Variants in ZIM2 observed in about 807,000 individuals in gnomAD.
The protein encoded by ZIM2 is zinc finger imprinted 2.
A neutral mutation model predicts 38.6 loss-of-function variants in ZIM2; 14 were observed. The ratio of observed to expected loss-of-function variants is 0.36; its 90% CI spans 0.24 to 0.57. The LOEUF (loss-of-function observed/expected upper bound fraction) is 0.57. ZIM2 is among the 20% of genes least tolerant of loss of function. ZIM2 has a pLI of 0.81. For synonymous variants in ZIM2, 247 were observed against 245.8 expected, an observed-to-expected ratio of 1.00 and a Z score of -0.04; for missense variants, 680 against 695.1, an observed-to-expected ratio of 0.98 and a Z score of 0.24.
chr19:56,830,101 T>A (rs940947597), intron 2 of ZIM2, among the ~76,000 whole-genome samples: 6 of 152,152 alleles, frequency 3.9e-5, no homozygotes, highest in Admixed American at 3.3e-4. Context: ...GATGTATGAA[T>A]CCAACAGAAC....
chr19:56,787,075 A>T (rs183239893), intron 10 of ZIM2, among the ~76,000 whole-genome samples: 72 of 152,004 alleles, frequency 4.7e-4, no homozygotes, highest in Non-Finnish European at 9.4e-4. Flanking sequence ...ACCTAAGGTG[A>T]TCCGCCTGCC....
intron 9 of ZIM2, chr19:56,811,369 T>C (rs1206908054): frequency 1.1e-6 from 1 of 881,974 alleles, no homozygotes; most frequent in Non-Finnish European, 1.4e-6. Flanking sequence ...GAGTTATAAC[T>C]GTAGTATAAA....
Position 56,823,603 on chromosome 19 carries a change from G to T in ZIM2, c.93C>A (p.Val31=). The change falls in exon 5 of 13, where the codon GTC becomes GTA. Residue 31 remains valine, a synonymous_variant. Transcript: ENST00000629319. ...NRRESSPPHS[V]HSFSGDRDWD... ...ATGGGTACTCACCACTGAAAGAATG[G>T]ACTGAGTGAGGTGGTGAGGACTCTC... 2 of 1,614,106 alleles carry T rather than the reference G, an allele frequency of 1.2e-6. No individual in the cohort carries two copies. Among genetic ancestry groups the T allele is most frequent in the Non-Finnish European group, 1.7e-6 (2 of 1,180,018 alleles).
intron 12 of ZIM2, among the ~76,000 whole-genome samples, chr19:56,776,857 C>T (rs746841478): frequency 2.7e-4 from 41 of 152,072 alleles, no homozygotes; most frequent in Non-Finnish European, 5.3e-4. Flanking sequence ...ATAAAACAGC[C>T]TGAGTTAAGC....
At chr19:56,824,638 G>C in intron 3 of ZIM2, 2 of 1,597,308 alleles carry the variant, frequency 1.3e-6, no homozygotes, top group Non-Finnish European at 8.6e-7. Context: ...TGGCAGACAA[G>C]TGCTTTGGAG....
At chr19:56,816,268 C>T (rs1291549131) in intron 9 of ZIM2, 2 of 1,614,054 alleles carry the variant, frequency 1.2e-6, no homozygotes, top group South Asian at 2.2e-5. Flanking sequence ...GAATGGCCCA[C>T]TATGAATGAC....
intron 9 of ZIM2, chr19:56,811,960 T>C (rs1054076007): frequency 1.3e-5 from 13 of 985,308 alleles, no homozygotes; most frequent in African/African-American, 1.0e-4. Flanking sequence ...CTCTCAGCTC[T>C]ACAATCTTCC....
intron 2 of ZIM2, among the ~76,000 whole-genome samples, chr19:56,832,056 T>G (rs142267050): frequency 2.2e-4 from 34 of 152,346 alleles, no homozygotes; most frequent in African/African-American, 8.2e-4. Flanking sequence ...TAAACTTGTA[T>G]TAAGACTATT....
At chr19:56,811,303 G>A in intron 9 of ZIM2, 1 of 912,722 alleles carries the variant, frequency 1.1e-6, no homozygotes, top group Non-Finnish European at 1.3e-6. Context: ...TTTTTAAACA[G>A]TTATAATGAA....
chr19:56,811,623 AG>A (rs2059548133), intron 9 of ZIM2: 2 of 985,340 alleles, frequency 2.0e-6, no homozygotes, highest in Admixed American at 1.2e-4. Context: ...GTTAACACCA[AG>A]TAATGTACCC....
At chr19:56,821,807 T>G in intron 6 of ZIM2, 53 bp from the exon 7 acceptor site, 4 of 1,594,416 alleles carry the variant, frequency 2.5e-6, no homozygotes, top group Non-Finnish European at 3.4e-6. Context: ...ATCCTGCAGG[T>G]CCCAGGTTTG....
At chr19:56,793,386 A>AC (rs1379379703) in intron 9 of ZIM2, 1 of 152,698 alleles carries the variant, frequency 6.5e-6, no homozygotes, top group African/African-American at 2.4e-5. Context: ...CCTTTACAGG[A>AC]CAGAGCTACT....
In ZIM2 at chr19:56,822,768, T is replaced by A. The variant is rs778726860; in HGVS notation, c.175A>T (p.Arg59Trp). 5.6e-6 allele frequency: 9 copies of A among 1,614,168 alleles called. No homozygotes were observed. The highest frequency in any genetic ancestry group is 7.6e-6 in the Non-Finnish European group (9 of 1,180,024). Residue 59 changes from arginine to tryptophan, a missense_variant, in exon 6 of 13, where the codon AGG becomes TGG. Transcript: ENST00000629319. The stretch of plus-strand genomic sequence containing the variant: ...TAAGACTCACTGCTTCTTGGGTTCC[T>A]GGTGTGGGACCAGCGGTCTCGTGGC... Reference protein sequence around the residue: ...MEPRDRWSHTRNPRSRMPPRD... With the variant: ...MEPRDRWSHTWNPRSRMPPRD...
intron 10 of ZIM2, among the ~76,000 whole-genome samples, chr19:56,783,718 T>C (rs912668781): frequency 2.0e-5 from 3 of 152,182 alleles, no homozygotes; most frequent in Non-Finnish European, 4.4e-5. Flanking sequence ...AGGCCATTTA[T>C]TGGGTACTAT....
intron 3 of ZIM2, among the ~76,000 whole-genome samples, chr19:56,825,517 T>C (rs1453376463): frequency 6.6e-6 from 1 of 152,202 alleles, no homozygotes; most frequent in African/African-American, 2.4e-5. Context: ...CCCCCTTCCA[T>C]TTTTTAAACT....
At chr19:56,796,879 A>G (rs1449981972) in intron 9 of ZIM2, among the ~76,000 whole-genome samples, 1 of 152,240 alleles carries the variant, frequency 6.6e-6, no homozygotes. Flanking sequence ...GTCGTCAGAA[A>G]GCAAGCAGAC....
intron 9 of ZIM2, chr19:56,813,961 T>TCA: frequency 6.2e-7 from 1 of 1,614,140 alleles, no homozygotes. Context: ...CTCTTGATCT[T>TCA]CACCTTCTTC....
chr19:56,815,512 C>A (rs748399691), intron 9 of ZIM2: 2 of 1,614,104 alleles, frequency 1.2e-6, no homozygotes, highest in Non-Finnish European at 1.7e-6. Context: ...ATGAGCAAAG[C>A]ACTCCCCACA....
intron 2 of ZIM2, chr19:56,833,600 G>A (rs894575722): frequency 1.1e-5 from 2 of 183,464 alleles, no homozygotes; most frequent in African/African-American, 2.4e-5. Flanking sequence ...AAACTCAGAT[G>A]TGCAGAAGAG....
Sources: allele counts gnomAD v4.1 joint callset (sites outside exome capture counted in the v4.1 genomes callset), GRCh38; gene constraint gnomAD v4.1.1; transcripts MANE v1.5; gene names NCBI Gene and HGNC (gene_info 2026-07-23, HGNC 2026-07-21).